LAMA1: variants seen among roughly 807,000 people sequenced by gnomAD.
The protein encoded by LAMA1 is laminin subunit alpha 1, also known as laminin subunit alpha-1.
In LAMA1, 219 loss-of-function variants were observed where a neutral mutation model predicts 348.7. The observed-to-expected ratio is 0.63, with a 90% confidence interval of 0.56 to 0.70. The LOEUF (loss-of-function observed/expected upper bound fraction) is 0.70. Ranked by LOEUF, LAMA1 falls within the 30% of genes least tolerant of loss-of-function variation. LAMA1 has a pLI of 0.00. For missense variants in LAMA1, 3,744 were observed against 3,888.0 expected (o/e 0.96, Z 0.99); for synonymous variants, 1,487 against 1,491.0 (o/e 1.00, Z 0.06).
intron 22 of LAMA1, 118 bp downstream of exon 22, chr18:7,015,604 T>TTA (rs2057883626): frequency 7.1e-6 from 9 of 1,264,824 alleles, no homozygotes; most frequent in South Asian, 1.3e-5. Context: ...TTTTTTTTTT[T>TTA]AAATTCACAA....
intron 55 of LAMA1, chr18:6,957,025 C>T (rs1312389345): frequency 4.4e-6 from 2 of 454,282 alleles, no homozygotes; most frequent in Admixed American, 6.6e-5. Flanking sequence ...CTGAGCACCC[C>T]CCAGGTCAGC....
At chr18:7,115,274 T>C (rs1466393115) in intron 1 of LAMA1, among the ~76,000 whole-genome samples, 2 of 152,188 alleles carry the variant, frequency 1.3e-5, no homozygotes, top group Non-Finnish European at 2.9e-5. Context: ...TTTCTGTCCT[T>C]AGAATTGTCT....
At chr18:6,999,682 C>A in intron 31 of LAMA1, 44 bp from the exon 32 acceptor site, 1 of 1,508,410 alleles carries the variant, frequency 6.6e-7, no homozygotes. Context: ...ATGGTCAATA[C>A]CAGCTTCTAA....
intron 53 of LAMA1, chr18:6,959,807 G>A (rs2057598672): frequency 3.1e-6 from 1 of 319,894 alleles, no homozygotes; most frequent in African/African-American, 2.1e-5. Context: ...TTTTATCAAT[G>A]AAATTTAAAG....
At position 7,074,967 on chromosome 18, in the gene LAMA1, CAAAAAAAAAAAAAAAAAAAA is replaced by C. The variant is rs773818069; in HGVS notation, c.345+4988_345+5007del. ...GATAACCAAACCTAATACATAGAGG[CAAAAAAAAAAAAAAAAAAAA>C]AAAAAAAAAAAAAAAAATGCTGTAA... On this transcript the variant is annotated intron_variant, in intron 3 of 62. Coordinates refer to ENST00000389658, the MANE Select transcript of LAMA1 (RefSeq NM_005559.4). Among the ~76,000 whole-genome samples, 146 of 52,270 alleles carry C rather than the reference CAAAAAAAAAAAAAAAAAAAA, an allele frequency of 2.8e-3. 4 individuals are homozygous for C. The highest frequency in any genetic ancestry group is 7.0e-3 in the African/African-American group (73 of 10,372). The allele number at this position is 52,270 out of a possible 152,430, so 34.3% of individuals were successfully genotyped here.
At position 7,013,832 on chromosome 18, in the gene LAMA1, C is replaced by T. The variant is rs199554880; in HGVS notation, c.3346G>A (p.Gly1116Arg). Residue 1116 changes from glycine to arginine, a missense_variant, in exon 23 of 63, where the codon GGG becomes AGG. Gly to Arg is a moderately radical substitution (Grantham distance 125, BLOSUM62 -2). Around this residue, in one of 3 missense-constraint regions of LAMA1, gnomAD observed 1,529 missense variants for 1,689.4 expected, o/e 0.91. Coordinates refer to ENST00000389658, the MANE Select transcript of LAMA1 (RefSeq NM_005559.4). ...GTAAATACCTTGCAAGGGCAGGCCC[C>T]GGTTTCCTCCACACAGCCGCAGAGA... is the stretch of plus-strand genomic sequence containing the variant. Reference protein sequence around the residue: ...QGLCGCVEETGACPCKENVFG... With the variant: ...QGLCGCVEETRACPCKENVFG... 1.7e-5 allele frequency: 27 copies of T among 1,611,084 alleles called. No homozygotes were observed. Among genetic ancestry groups the T allele is most frequent in the Admixed American group, 1.0e-4 (6 of 59,660 alleles).
chr18:7,095,627 C>T (rs2058257968), intron 1 of LAMA1, among the ~76,000 whole-genome samples: 1 of 152,220 alleles, frequency 6.6e-6, no homozygotes, highest in Non-Finnish European at 1.5e-5. Flanking sequence ...CCCAAAGAGC[C>T]CTTCTTTGAA....
At chr18:7,103,856 T>TCTC (rs1274358804) in intron 1 of LAMA1, among the ~76,000 whole-genome samples, 1 of 150,742 alleles carries the variant, frequency 6.6e-6, no homozygotes, top group Non-Finnish European at 1.5e-5. Flanking sequence ...CCCACTGAGG[T>TCTC]CTCCTAGCCT....
At chr18:6,958,699 A>T (rs1334299730) in intron 54 of LAMA1, 37 bp from the exon 55 acceptor site, 1 of 1,514,730 alleles carries the variant, frequency 6.6e-7, no homozygotes, top group Non-Finnish European at 9.2e-7. Flanking sequence ...GAAAAGCTTT[A>T]AACATAATGA....
Position 6,947,311 on chromosome 18 carries a change from G to T in LAMA1, c.8711-15C>A. On this transcript the variant is annotated splice_polypyrimidine_tract_variant and intron_variant, in intron 60 of 62. Coordinates refer to ENST00000389658, the MANE Select transcript of LAMA1 (RefSeq NM_005559.4). Reference sequence around the variant, plus strand: ...GCCCTCTTTGACTGTAACACACAAGGAGGACCCAAGTCAGGGTGAGCGCTG... The same window carrying T: ...GCCCTCTTTGACTGTAACACACAAGTAGGACCCAAGTCAGGGTGAGCGCTG... 6.2e-7 allele frequency: 1 copy of T among 1,613,194 alleles called. No homozygotes were observed. Among genetic ancestry groups the T allele is most frequent in the East Asian group, 2.2e-5 (1 of 44,882 alleles).
chr18:6,967,677 C>T (rs1464800804), intron 48 of LAMA1, among the ~76,000 whole-genome samples: 1 of 152,156 alleles, frequency 6.6e-6, no homozygotes, highest in Non-Finnish European at 1.5e-5. Flanking sequence ...AAAGCTGAGC[C>T]TCAAAGATTA....
chr18:6,981,518 G>A (rs568176), intron 41 of LAMA1, among the ~76,000 whole-genome samples: 17,620 of 152,160 alleles, frequency 0.12, 1,928 homozygotes, highest in African/African-American at 0.29. Flanking sequence ...TGGATTTTGA[G>A]CACATGGTTA....
At chr18:7,009,425 A>T in intron 26 of LAMA1, 59 bp from the exon 27 acceptor site, 1 of 1,566,634 alleles carries the variant, frequency 6.4e-7, no homozygotes, top group Non-Finnish European at 8.8e-7. Context: ...CAGGCATAAA[A>T]CTTATAAAGA....
At chr18:6,997,104 G>T (rs759423726) in intron 33 of LAMA1, among the ~76,000 whole-genome samples, 1 of 151,426 alleles carries the variant, frequency 6.6e-6, no homozygotes, top group Admixed American at 6.6e-5. Context: ...TTGCTCTGTC[G>T]CCAGGCTGGA....
chr18:6,986,203 A>C lies in LAMA1; in HGVS notation c.5313T>G (p.Ala1771=). The C allele has an allele frequency of 6.2e-7, 1 of 1,614,190 alleles. No homozygotes were observed. The highest frequency in any genetic ancestry group is 8.5e-7 in the Non-Finnish European group (1 of 1,180,042). ...LKAAEALVRE[A]EAKMQESNHL... is the part of the protein sequence containing the mutation. ...GGTTGCTTTCCTGCATCTTTGCCTC[A>C]GCTTCCCTCACGAGCGCCTCAGCCG... The change falls in exon 37 of 63, where the codon GCT becomes GCG. Residue 1771 remains alanine (A), a synonymous_variant. Coordinates refer to ENST00000389658, the MANE Select transcript of LAMA1 (RefSeq NM_005559.4).
chr18:7,037,211 T>TA lies in LAMA1; in HGVS notation c.1737+366dup, dbSNP rs2057999100. 2.0e-5 allele frequency among the ~76,000 whole-genome samples: 3 copies of TA among 152,134 alleles called. No homozygotes were observed. The South Asian group carries it at 6.2e-4, about 32-fold the overall frequency. On this transcript the variant is annotated intron_variant, in intron 12 of 62. Coordinates refer to ENST00000389658, the MANE Select transcript of LAMA1 (RefSeq NM_005559.4). ...GTTTCTTGTATGCCAGGCCCTCCAC[T>TA]AAGCCATGGAGGCTCTAAGCTGAGC...
chr18:6,976,816 C>T (rs965085063), intron 44 of LAMA1, among the ~76,000 whole-genome samples: 30 of 151,868 alleles, frequency 2.0e-4, no homozygotes, highest in Admixed American at 1.8e-3. Context: ...TATTATGTTT[C>T]CTAAGCTCAT....
chr18:6,973,169 C>T lies in LAMA1; in HGVS notation c.6662G>A (p.Ser2221Asn). The part of the protein sequence containing the change: ...NIGSLSVKEM[S>N]SNQKSPTKTS... ...TTTTGTTGGTGACTTTTGATTTGAG[C>T]TCATTTCCTTTACACTCAGTGAACC... is the stretch of plus-strand genomic sequence containing the variant. Residue 2221 changes from serine to asparagine, a missense_variant, in exon 47 of 63, where the codon AGC becomes AAC. Physicochemically the swap from Ser to Asn is conservative, Grantham distance 46 (BLOSUM62 1). Transcript: ENST00000389658. The T allele has an allele frequency of 6.2e-7, 1 of 1,614,172 alleles. No homozygotes were observed. Among genetic ancestry groups the T allele is most frequent in the Non-Finnish European group, 8.5e-7 (1 of 1,180,008 alleles).
At chr18:6,968,817 C>T (rs1483268238) in intron 48 of LAMA1, among the ~76,000 whole-genome samples, 4 of 152,076 alleles carry the variant, frequency 2.6e-5, no homozygotes, top group African/African-American at 9.7e-5. Flanking sequence ...ATATAAATCA[C>T]GTTTAAGAGT....
Sources: allele counts gnomAD v4.1 joint callset (sites outside exome capture counted in the v4.1 genomes callset), GRCh38; gene constraint gnomAD v4.1.1; regional missense constraint gnomAD v4.1.1; transcripts MANE v1.5; gene names NCBI Gene and HGNC (gene_info 2026-07-23, HGNC 2026-07-21).